The following SUCLG2 variants were observed in gnomAD, a reference collection of about 807,000 sequenced individuals.
The protein encoded by SUCLG2 is succinate-CoA ligase GDP-forming subunit beta.
A neutral mutation model predicts 47.9 loss-of-function variants in SUCLG2; 42 were observed. The ratio of observed to expected loss-of-function variants is 0.88; its 90% CI spans 0.69 to 1.14. The LOEUF (loss-of-function observed/expected upper bound fraction) is 1.14. Ranked by LOEUF, SUCLG2 falls within the 50% of genes most tolerant of loss-of-function variation. The pLI, the probability that SUCLG2 is intolerant of heterozygous loss-of-function variation, is 0.00. For missense variants in SUCLG2, 571 were observed against 525.9 expected (o/e 1.09, Z -0.84); for synonymous variants, 195 against 197.3 (o/e 0.99, Z 0.10).
rs375166051 is a variant in SUCLG2 at position 67,381,472 on chromosome 3, G to A, written c.1184-5613C>T. 2.0e-4 allele frequency among the ~76,000 whole-genome samples: 31 copies of A among 152,324 alleles called. No homozygotes were observed. In the South Asian group the frequency reaches 4.1e-3, roughly 20 times the overall value. The stretch of plus-strand genomic sequence containing the variant: ...TTTAAACTCTGACATGGAATTAAGT[G>A]TTCTAAAGAGTGTTTATGCCTGTGC... On this transcript the variant is annotated intron_variant, in intron 10 of 10. Transcript: ENST00000307227.
chr3:67,362,025 C>G (rs66501886), intron 10 of SUCLG2, among the ~76,000 whole-genome samples: 41,571 of 152,048 alleles, frequency 0.27, 6,137 homozygotes, highest in East Asian at 0.49. Context: ...GCCAAACCAA[C>G]AGGAAAAATT....
chr3:67,553,619 T>C (rs1385065801), intron 2 of SUCLG2, among the ~76,000 whole-genome samples: 2 of 152,210 alleles, frequency 1.3e-5, no homozygotes, highest in African/African-American at 2.4e-5. Context: ...ATACCCATTT[T>C]CTTTTCTTAA....
At chr3:67,450,058 T>G (rs1295084549) in intron 9 of SUCLG2, among the ~76,000 whole-genome samples, 1 of 152,062 alleles carries the variant, frequency 6.6e-6, no homozygotes, top group South Asian at 2.1e-4. Context: ...CTAATTAATT[T>G]AGAGACAGGG....
intron 1 of SUCLG2, among the ~76,000 whole-genome samples, chr3:67,642,470 C>A (rs1396040773): frequency 6.6e-6 from 1 of 152,014 alleles, no homozygotes; most frequent in African/African-American, 2.4e-5. Context: ...ATTGGCCAGG[C>A]ATAGTGGCAT....
At chr3:67,555,781 C>A (rs1471715207) in intron 2 of SUCLG2, among the ~76,000 whole-genome samples, 1 of 152,132 alleles carries the variant, frequency 6.6e-6, no homozygotes, top group Non-Finnish European at 1.5e-5. Flanking sequence ...CAATTGACAA[C>A]CCCATGAAAG....
rs527839832 is a variant in SUCLG2, at chr3:67,429,658, T to C, written c.1063-28807A>G. Among the ~76,000 whole-genome samples, 15 of 152,228 alleles carry C rather than the reference T, an allele frequency of 9.9e-5. No homozygotes were observed. In the South Asian group the frequency reaches 2.1e-3, roughly 21 times the overall value. ...CAAATAAAAGACACAAACTGGCAAA[T>C]TGGACAAAGAGTCAAGACCCATCAG... On this transcript the variant is annotated intron_variant, in intron 9 of 10. Transcript: ENST00000307227.
At chr3:67,550,690 C>T (rs1706989555) in intron 2 of SUCLG2, among the ~76,000 whole-genome samples, 1 of 152,126 alleles carries the variant, frequency 6.6e-6, no homozygotes, top group Non-Finnish European at 1.5e-5. Flanking sequence ...TAAATTTCTC[C>T]TAAAGAAGAT....
chr3:67,654,273 TG>T (rs951254587), intron 1 of SUCLG2, among the ~76,000 whole-genome samples: 2 of 152,148 alleles, frequency 1.3e-5, no homozygotes, highest in African/African-American at 4.8e-5. Context: ...TCTAGTGCGT[TG>T]GGTCGCTCAT....
intron 2 of SUCLG2, among the ~76,000 whole-genome samples, chr3:67,608,576 C>G (rs1700467249): frequency 6.6e-6 from 1 of 152,034 alleles, no homozygotes; most frequent in Non-Finnish European, 1.5e-5. Flanking sequence ...TCAAAAAGAG[C>G]TGGGATGAAA....
At chr3:67,406,483 CAG>C (rs1428957579) in intron 9 of SUCLG2, among the ~76,000 whole-genome samples, 1 of 152,078 alleles carries the variant, frequency 6.6e-6, no homozygotes, top group African/African-American at 2.4e-5. Flanking sequence ...CTCTCATAGG[CAG>C]AGACATTTAA....
At chr3:67,577,943 G>A (rs1407098559) in intron 2 of SUCLG2, among the ~76,000 whole-genome samples, 1 of 152,310 alleles carries the variant, frequency 6.6e-6, no homozygotes, top group African/African-American at 2.4e-5. Flanking sequence ...AGGAAGAAGA[G>A]AAGGTGTCAA....
intron 1 of SUCLG2, among the ~76,000 whole-genome samples, chr3:67,637,523 C>T (rs1264144678): frequency 6.6e-6 from 1 of 152,184 alleles, no homozygotes; most frequent in Non-Finnish European, 1.5e-5. Flanking sequence ...TACTGACTTA[C>T]ATAATTCAAC....
rs374847787 is a variant in SUCLG2, at chr3:67,525,848, G to A, written c.417+2284C>T. 5.3e-5 allele frequency among the ~76,000 whole-genome samples: 8 copies of A among 152,154 alleles called. No individual in the cohort carries two copies. The South Asian group carries it at 8.3e-4, about 16-fold the overall frequency. ...CCCTGTTGAAAAAATGAATATATAC[G>A]TTATATAGTGTAACAGATAATACTT... On this transcript the variant is annotated intron_variant, in intron 4 of 10. Coordinates refer to ENST00000307227, the MANE Select transcript of SUCLG2 (RefSeq NM_003848.4).
chr3:67,539,509 C>T (rs1430359800), intron 2 of SUCLG2, among the ~76,000 whole-genome samples: 1 of 152,062 alleles, frequency 6.6e-6, no homozygotes, highest in African/African-American at 2.4e-5. Flanking sequence ...GGGATGTTGG[C>T]CTGAAATTTT....
chr3:67,629,624 A>G (rs1330548750), intron 1 of SUCLG2, among the ~76,000 whole-genome samples: 2 of 152,080 alleles, frequency 1.3e-5, no homozygotes, highest in Non-Finnish European at 2.9e-5. Context: ...GACTGAACTC[A>G]ATCTCCAGCC....
chr3:67,562,663 C>A (rs758993801), intron 2 of SUCLG2, among the ~76,000 whole-genome samples: 1 of 152,220 alleles, frequency 6.6e-6, no homozygotes, highest in Non-Finnish European at 1.5e-5. Context: ...AAGTGTATGG[C>A]AAGTTGCATA....
intron 2 of SUCLG2, among the ~76,000 whole-genome samples, chr3:67,536,803 A>C (rs1346456937): frequency 6.6e-6 from 1 of 152,214 alleles, no homozygotes; most frequent in Non-Finnish European, 1.5e-5. Flanking sequence ...GAATCTTTGA[A>C]GGCAATTAGG....
At chr3:67,622,474 T>G (rs1700752106) in intron 1 of SUCLG2, among the ~76,000 whole-genome samples, 1 of 152,216 alleles carries the variant, frequency 6.6e-6, no homozygotes, top group Admixed American at 6.5e-5. Context: ...ACTTTACGTC[T>G]TTTATTTTAA....
At chr3:67,459,942 C>T (rs955928650) in intron 9 of SUCLG2, among the ~76,000 whole-genome samples, 1 of 152,018 alleles carries the variant, frequency 6.6e-6, no homozygotes, top group Admixed American at 6.5e-5. Context: ...AAAAGGGCTC[C>T]CTTCCCAGCT....
Sources: allele counts gnomAD v4.1 joint callset (sites outside exome capture counted in the v4.1 genomes callset), GRCh38; gene constraint gnomAD v4.1.1; transcripts MANE v1.5; gene names NCBI Gene and HGNC (gene_info 2026-07-23, HGNC 2026-07-21).